Variants in ABCA2 observed in about 807,000 individuals in gnomAD.
ABCA2 encodes the protein ATP binding cassette subfamily A member 2.
Under a neutral mutation model 262.8 loss-of-function variants are expected in ABCA2, and 84 were observed. The observed-to-expected ratio is 0.32, with a 90% confidence interval of 0.27 to 0.38. The LOEUF is 0.38. Ranked by LOEUF, ABCA2 falls within the 10% of genes least tolerant of loss-of-function variation. The pLI is 1.00. For synonymous variants in ABCA2, 1,696 were observed against 1,502.9 expected (o/e 1.13, Z -2.97); for missense variants, 2,662 against 3,405.9 (o/e 0.78, Z 5.44).
At chr9:137,022,499 G>A in intron 5 of ABCA2, 21 bp from the exon 6 acceptor site, 1 of 1,607,908 alleles carries the variant, frequency 6.2e-7, no homozygotes, top group Non-Finnish European at 8.5e-7. Flanking sequence ...AGGAAGGCGA[G>A]GCTGAGAGGC....
At chr9:137,012,054 G>A (rs756695189) in intron 34 of ABCA2, 36 bp from the exon 35 acceptor site, 21 of 1,612,286 alleles carry the variant, frequency 1.3e-5, no homozygotes, top group Non-Finnish European at 1.8e-5. Flanking sequence ...CACGGCCGGG[G>A]CTGCAGTGCC....
chr9:137,028,735 G>T (rs771588300), upstream of ABCA2: 16 of 1,270,112 alleles, frequency 1.3e-5, no homozygotes, highest in African/African-American at 2.4e-4. This position sits in a 1 kb window ranked among gnomAD's most constrained non-coding sequence, Gnocchi z 6.9. Flanking sequence ...GAGGCAGGGC[G>T]GCCAGGTGGG....
At chr9:137,009,342 G>A (rs1564210676) in intron 45 of ABCA2, 28 bp downstream of exon 45, 46 of 415,054 alleles carry the variant, frequency 1.1e-4, no homozygotes, top group South Asian at 4.3e-4. Flanking sequence ...GCCCGCCCCA[G>A]CCCACCCCTG....
In ABCA2 at chr9:137,016,089, G is replaced by A. The variant is rs755353596; in HGVS notation, c.3190C>T (p.Arg1064Cys). 2.1e-5 allele frequency: 34 copies of A among 1,612,742 alleles called. No individual in the cohort carries two copies. Among genetic ancestry groups the A allele is most frequent in the Non-Finnish European group, 2.9e-5 (34 of 1,180,012 alleles). Residue 1064 changes from arginine (R) to cysteine (C), a missense_variant, in exon 22 of 49, where the codon CGC becomes TGC. Physicochemically the swap from Arg to Cys is radical, Grantham distance 180. Transcript: ENST00000341511. The stretch of plus-strand genomic sequence containing the variant: ...TGCGGGCACATGCCCAGGTTCTTGC[G>A]GATCTCATCCATCTCCGTGCGGATG... ...HDIRTEMDEI[R>C]KNLGMCPQHN... is the part of the protein sequence containing the mutation.
rs1830886555 is a variant in ABCA2, at chr9:137,007,842, T to C, written c.*87A>G. 2 of 1,547,702 alleles carry C rather than the reference T, an allele frequency of 1.3e-6. No individual in the cohort carries two copies. The highest frequency in any genetic ancestry group is 2.7e-5 in the African/African-American group (2 of 73,506). ...CTCCACTCCAGGCCCTGGCAGGCAC[T>C]GGGGGACTTCTGTCCCCATTGTTGA... On this transcript the variant is annotated 3_prime_UTR_variant, in exon 49 of 49. Coordinates refer to ENST00000341511, the MANE Select transcript of ABCA2 (RefSeq NM_001606.5).
At chr9:137,016,547 C>G in intron 20 of ABCA2, 27 bp downstream of exon 20, 1 of 1,612,272 alleles carries the variant, frequency 6.2e-7, no homozygotes, top group Non-Finnish European at 8.5e-7. Flanking sequence ...GCGCCCACCC[C>G]AGCCACCATT....
At position 137,007,894 on chromosome 9, in the gene ABCA2, G is replaced by A; in HGVS notation, c.*35C>T. ...TCCCTGGCCCAGCTCTGGGTGGTCA[G>A]TGGAGCGTGTCCTCCCTGGCCCAGC... is the stretch of plus-strand genomic sequence containing the variant. On this transcript the variant is annotated 3_prime_UTR_variant, in exon 49 of 49. Transcript: ENST00000341511. 1.9e-6 allele frequency: 3 copies of A among 1,603,386 alleles called. No individual in the cohort carries two copies. The highest frequency in any genetic ancestry group is 1.7e-6 in the Non-Finnish European group (2 of 1,179,230).
In ABCA2 at chr9:137,015,613, C is replaced by T; in HGVS notation, c.3515-17G>A. 1.9e-6 allele frequency: 3 copies of T among 1,612,130 alleles called. No homozygotes were observed. The South Asian group carries it at 3.3e-5, about 18-fold the overall frequency. On this transcript the variant is annotated splice_polypyrimidine_tract_variant and intron_variant, in intron 23 of 48. Coordinates refer to ENST00000341511, the MANE Select transcript of ABCA2 (RefSeq NM_001606.5). ...TGGTGCGGCCTAGGACAAGGCCAGACCCAGGGTCAGGGGGCAGGGGAGGCG... is the reference window on the plus strand; with the variant it reads ...TGGTGCGGCCTAGGACAAGGCCAGATCCAGGGTCAGGGGGCAGGGGAGGCG...
Position 137,015,072 on chromosome 9 carries a change from TG to T in ABCA2, c.3722del (p.Pro1241GlnfsTer6). On this transcript the variant is annotated frameshift_variant, in exon 25 of 49. Transcript: ENST00000341511. LOFTEE classifies it high-confidence loss of function. ...PQEPGLASSP[P>X]GRAPLSSCSE... ...AGCAGCTGCTCAGCGGGGCCCGACCTGGGGGGCTGGATGCCAGCCCTGGCTC... is the reference window on the plus strand; with the variant it reads ...AGCAGCTGCTCAGCGGGGCCCGACCTGGGGGCTGGATGCCAGCCCTGGCTC... 1.3e-6 allele frequency: 2 copies of T among 1,597,248 alleles called. No individual in the cohort carries two copies. Among genetic ancestry groups the T allele is most frequent in the Non-Finnish European group, 1.7e-6 (2 of 1,172,576 alleles).
At chr9:137,016,214 AG>A (rs1474757200) in intron 21 of ABCA2, 40 bp from the exon 22 acceptor site, 1 of 1,611,142 alleles carries the variant, frequency 6.2e-7, no homozygotes, top group Non-Finnish European at 8.5e-7. Flanking sequence ...CGCCCTCTGC[AG>A]GGGCCCCACC....
rs563307307 is a variant in ABCA2 at position 137,018,858 on chromosome 9, G to A, written c.1723-43C>T. On this transcript the variant is annotated intron_variant, in intron 12 of 48. Coordinates refer to ENST00000341511, the MANE Select transcript of ABCA2 (RefSeq NM_001606.5). ...GCTGGAGCCCGCCGTGGGCATGTGC[G>A]AGGCAGGGGGTGTCGTGGGTTGGCT... 2.6e-5 allele frequency: 42 copies of A among 1,612,400 alleles called. No individual in the cohort carries two copies. The South Asian group carries it at 2.7e-4, about 11-fold the overall frequency.
chr9:137,008,912 C>T (rs368283479), intron 46 of ABCA2, 39 bp downstream of exon 46: 20 of 1,588,020 alleles, frequency 1.3e-5, no homozygotes, highest in East Asian at 1.1e-4. Flanking sequence ...CCCCCCACCC[C>T]GTAGCGCCCC....
At chr9:137,012,675 C>T (rs373467811) in intron 31 of ABCA2, 37 bp downstream of exon 31, 198 of 1,610,740 alleles carry the variant, frequency 1.2e-4, no homozygotes, top group Non-Finnish European at 1.5e-4. Context: ...GGCTGGTGGC[C>T]GGCCACCCTC....
rs764440063 is a variant in ABCA2 at position 137,015,600 on chromosome 9, G to A, written c.3515-4C>T. 1.1e-5 allele frequency: 18 copies of A among 1,612,308 alleles called. No individual in the cohort carries two copies. Among genetic ancestry groups the A allele is most frequent in the Non-Finnish European group, 1.5e-5 (18 of 1,179,684 alleles). On this transcript the variant is annotated splice_region_variant and splice_polypyrimidine_tract_variant and intron_variant, in intron 23 of 48. Coordinates refer to ENST00000341511, the MANE Select transcript of ABCA2 (RefSeq NM_001606.5). ...GTGGACAGAAGGATGGTGCGGCCTA[G>A]GACAAGGCCAGACCCAGGGTCAGGG...
chr9:137,017,655 C>T lies in ABCA2; in HGVS notation c.2249G>A (p.Trp750Ter). ...KTMGLNNAVH[W>*]VAWFITGFVQ... ...AAAGCCGGTGATGAACCAGGCCACCCAGTGCACCGCGTTGTTCAGGCCCAT... is the reference window on the plus strand; with the variant it reads ...AAAGCCGGTGATGAACCAGGCCACCTAGTGCACCGCGTTGTTCAGGCCCAT... The change falls in exon 17 of 49, where the codon TGG becomes TAG. Residue 750 changes from tryptophan (W) to a stop codon, truncating the protein, a stop_gained. Transcript: ENST00000341511. LOFTEE classifies it high-confidence loss of function. The T allele has an allele frequency of 3.7e-6, 6 of 1,612,588 alleles. No individual in the cohort carries two copies. Among genetic ancestry groups the T allele is most frequent in the Non-Finnish European group, 5.1e-6 (6 of 1,179,768 alleles).
At chr9:137,028,628 G>C, upstream of ABCA2, 2 of 1,100,186 alleles carry the variant, frequency 1.8e-6, no homozygotes, top group South Asian at 4.0e-5. This position sits in a 1 kb window ranked among gnomAD's most constrained non-coding sequence, Gnocchi z 6.9. Flanking sequence ...GGGGCGCGCC[G>C]AGCGGACGCT....
rs1831359558 is a variant in ABCA2 at position 137,018,960 on chromosome 9, C to G, written c.1665G>C (p.Leu555=). The G allele has an allele frequency of 6.2e-7, 1 of 1,613,020 alleles. No individual in the cohort carries two copies. Among genetic ancestry groups the G allele is most frequent in the South Asian group, 1.1e-5 (1 of 91,084 alleles). The change falls in exon 12 of 49, where the codon CTG becomes CTC. Residue 555 remains leucine (L), a synonymous_variant. Coordinates refer to ENST00000341511, the MANE Select transcript of ABCA2 (RefSeq NM_001606.5). ...CGTTGTCAATGGTATCCAGCTGCTG[C>G]AGGAGGGCCATGCCACTGGGCAGCG... The part of the protein sequence containing the change: ...NFSLPSGMAL[L]QQLDTIDNAA...
At chr9:137,008,661 TGGGGTGAGGA>T in intron 47 of ABCA2, 39 bp from the exon 48 acceptor site, 1 of 473,124 alleles carries the variant, frequency 2.1e-6, no homozygotes, top group Middle Eastern at 5.0e-4. Flanking sequence ...GGGGCTGGTC[TGGGGTGAGGA>T]GGGGCAGGGC....
In ABCA2 at chr9:137,021,821, A is replaced by G. The variant is rs1588525664; in HGVS notation, c.678+70T>C. ...AAGTCACCAAAGGGGCCCTTTCCTCACCCACGGAGCAGAAGCACCCCCAGA... is the reference window on the plus strand; with the variant it reads ...AAGTCACCAAAGGGGCCCTTTCCTCGCCCACGGAGCAGAAGCACCCCCAGA... On this transcript the variant is annotated intron_variant, in intron 7 of 48. Transcript: ENST00000341511. The surrounding 1 kb of genome is among the most constrained non-coding windows in gnomAD (Gnocchi z 6.0). 1 of 1,425,146 alleles carries G rather than the reference A, an allele frequency of 7.0e-7. No homozygotes were observed. Among genetic ancestry groups the G allele is most frequent in the African/African-American group, 1.4e-5 (1 of 70,226 alleles). 88.3% of individuals were successfully genotyped at this position (1,425,146 alleles called of 1,614,324 possible).
Sources: allele counts gnomAD v4.1 joint callset, GRCh38; gene constraint gnomAD v4.1.1; non-coding constraint Gnocchi (gnomAD v3.1); transcripts MANE v1.5; gene names NCBI Gene and HGNC (gene_info 2026-07-23, HGNC 2026-07-21).